HS6ST3: variants seen among roughly 807,000 people sequenced by gnomAD.
HS6ST3 encodes the protein heparan sulfate 6-O-sulfotransferase 3.
A neutral mutation model predicts 36.7 loss-of-function variants in HS6ST3; 12 were observed. The observed-to-expected ratio is 0.33, with a 90% CI of 0.21 to 0.53. The LOEUF is 0.53. HS6ST3 is among the 20% of genes least tolerant of loss of function. The pLI is 0.95. For synonymous variants in HS6ST3, 240 were observed against 257.5 expected (o/e 0.93, Z 0.65); for missense variants, 584 against 640.9 (o/e 0.91, Z 0.96).
intron 1 of HS6ST3, among the ~76,000 whole-genome samples, chr13:96,799,796 A>G (rs1054818564): frequency 6.7e-6 from 1 of 148,266 alleles, no homozygotes; most frequent in Non-Finnish European, 1.5e-5. Flanking sequence ...AAAAAAAAAA[A>G]CTGTGAACAT....
intron 1 of HS6ST3, among the ~76,000 whole-genome samples, chr13:96,324,397 G>C (rs1038737079): frequency 3.3e-5 from 5 of 152,102 alleles, no homozygotes; most frequent in African/African-American, 1.2e-4. Flanking sequence ...GAAGTGATAT[G>C]GTGTGGAATC....
chr13:96,342,233 A>G (rs569620725), intron 1 of HS6ST3, among the ~76,000 whole-genome samples: 50 of 152,298 alleles, frequency 3.3e-4, no homozygotes, highest in Admixed American at 1.5e-3. Context: ...TCATATTTGG[A>G]CATTTATGAT....
intron 1 of HS6ST3, among the ~76,000 whole-genome samples, chr13:96,379,487 T>C (rs556645164): frequency 1.3e-5 from 2 of 152,228 alleles, no homozygotes; most frequent in Non-Finnish European, 2.9e-5. Context: ...CTTGGACTTT[T>C]CAATTTCCAG....
At chr13:96,812,326 C>T (rs555341951) in intron 1 of HS6ST3, among the ~76,000 whole-genome samples, 4 of 152,298 alleles carry the variant, frequency 2.6e-5, no homozygotes, top group African/African-American at 7.2e-5. Context: ...CTTTGCCTTT[C>T]TCTTTCTTGA....
At chr13:96,731,287 T>A (rs1388318320) in intron 1 of HS6ST3, among the ~76,000 whole-genome samples, 2 of 152,208 alleles carry the variant, frequency 1.3e-5, no homozygotes, top group Non-Finnish European at 2.9e-5. Flanking sequence ...TTCAACTATT[T>A]CCATGAGATC....
chr13:96,107,514 C>T (rs1341384874), intron 1 of HS6ST3, among the ~76,000 whole-genome samples: 2 of 152,004 alleles, frequency 1.3e-5, no homozygotes, highest in Non-Finnish European at 1.5e-5. Context: ...AGTGCTAGCC[C>T]CAGGGGTGAA....
intron 1 of HS6ST3, among the ~76,000 whole-genome samples, chr13:96,515,985 G>A (rs773479262): frequency 1.3e-5 from 2 of 151,738 alleles, no homozygotes; most frequent in Non-Finnish European, 2.9e-5. Context: ...CATTTTACCA[G>A]TTCTTTTGTT....
chr13:96,354,494 C>T lies in HS6ST3; in HGVS notation c.707+262925C>T, dbSNP rs575875141. On this transcript the variant is annotated intron_variant, in intron 1 of 1. Transcript: ENST00000376705. ...TGATCATGTATCTATATTACTTTTA[C>T]AATACAAATTAATACCTAATTAAAA... Among the ~76,000 whole-genome samples, 36 of 152,116 alleles carry T rather than the reference C, an allele frequency of 2.4e-4. No homozygotes were observed. The South Asian group carries it at 7.5e-3, about 32-fold the overall frequency.
chr13:96,306,507 G>A (rs114563810), intron 1 of HS6ST3, among the ~76,000 whole-genome samples: 1,737 of 152,182 alleles, frequency 0.011, 33 homozygotes, highest in African/African-American at 0.04. Context: ...CACCGCACCC[G>A]GCTGGTTAAA....
At chr13:96,707,524 C>T (rs1875458802) in intron 1 of HS6ST3, among the ~76,000 whole-genome samples, 1 of 152,120 alleles carries the variant, frequency 6.6e-6, no homozygotes, top group Non-Finnish European at 1.5e-5. Flanking sequence ...GAGGCGATGC[C>T]CATCAATCTG....
intron 1 of HS6ST3, among the ~76,000 whole-genome samples, chr13:96,721,702 A>T (rs1386309538): frequency 6.6e-6 from 1 of 152,196 alleles, no homozygotes; most frequent in Non-Finnish European, 1.5e-5. Flanking sequence ...TATGTTTCTT[A>T]AACAAAAGTT....
chr13:96,477,378 A>G (rs1179392578), intron 1 of HS6ST3, among the ~76,000 whole-genome samples: 1 of 151,592 alleles, frequency 6.6e-6, no homozygotes, highest in Non-Finnish European at 1.5e-5. Context: ...ATATTCTTCA[A>G]TAGGTGACAA....
chr13:96,808,647 A>G (rs1468644503), intron 1 of HS6ST3, among the ~76,000 whole-genome samples: 1 of 152,234 alleles, frequency 6.6e-6, no homozygotes, highest in African/African-American at 2.4e-5. Context: ...TGACCGATCC[A>G]GCACTTGAGA....
chr13:96,259,224 G>A (rs750915322), intron 1 of HS6ST3, among the ~76,000 whole-genome samples: 15 of 152,098 alleles, frequency 9.9e-5, no homozygotes, highest in South Asian at 2.1e-4. Flanking sequence ...TGGAGGACCC[G>A]GGGTGAAAAC....
At chr13:96,819,862 T>TGTCACATGGTGACAGACCAGTCA (rs1229599826) in intron 1 of HS6ST3, among the ~76,000 whole-genome samples, 146 of 152,194 alleles carry the variant, frequency 9.6e-4, no homozygotes, top group Middle Eastern at 6.8e-3. Flanking sequence ...GAGACCAGTC[T>TGTCACATGGTGACAGACCAGTCA]GTCACATGGT....
intron 1 of HS6ST3, among the ~76,000 whole-genome samples, chr13:96,497,241 G>T (rs549850915): frequency 6.6e-6 from 1 of 152,070 alleles, no homozygotes; most frequent in Non-Finnish European, 1.5e-5. Flanking sequence ...CTCAGGCCTC[G>T]CCGTCTAGTG....
At chr13:96,637,428 A>G (rs1322776641) in intron 1 of HS6ST3, among the ~76,000 whole-genome samples, 1 of 152,152 alleles carries the variant, frequency 6.6e-6, no homozygotes, top group Admixed American at 6.6e-5. Context: ...AGGTCTTGAC[A>G]AAGTTACTTA....
intron 1 of HS6ST3, among the ~76,000 whole-genome samples, chr13:96,655,612 GA>G (rs34095776): frequency 1.3e-5 from 2 of 151,850 alleles, no homozygotes; most frequent in East Asian, 1.9e-4. Context: ...CCATCTCTAG[GA>G]AAAAAAATTC....
At chr13:96,458,362 C>T (rs371993824) in intron 1 of HS6ST3, among the ~76,000 whole-genome samples, 14 of 152,090 alleles carry the variant, frequency 9.2e-5, no homozygotes, top group East Asian at 3.9e-4. Context: ...GCACTACATC[C>T]GATTTGTGAT....
Sources: gnomAD v4.1 joint callset for allele counts (sites outside exome capture counted in the v4.1 genomes callset) on GRCh38, gnomAD v4.1.1 for gene constraint, MANE v1.5 for transcripts, NCBI Gene and HGNC (gene_info 2026-07-23, HGNC 2026-07-21) for gene names.